Variants in LUZP2 observed in about 807,000 individuals in gnomAD.
LUZP2 encodes the protein leucine zipper protein 2.
Under a neutral mutation model 51.6 loss-of-function variants are expected in LUZP2, and 52 were observed. That is an observed-to-expected ratio of 1.01 (90% confidence interval 0.81 to 1.27). The LOEUF (loss-of-function observed/expected upper bound fraction) is 1.27. LUZP2 is among the 50% of genes most tolerant of loss of function. The pLI is 0.00. For synonymous variants in LUZP2, 154 were observed against 137.3 expected (o/e 1.12, Z -0.85); for missense variants, 436 against 395.4 (o/e 1.10, Z -0.87).
chr11:25,006,394 A>G (rs182732974), intron 9 of LUZP2, among the ~76,000 whole-genome samples: 1 of 152,248 alleles, frequency 6.6e-6, no homozygotes, highest in Non-Finnish European at 1.5e-5. Flanking sequence ...GGATCAACCA[A>G]CTTTCTGTCA....
intron 9 of LUZP2, among the ~76,000 whole-genome samples, chr11:25,037,595 G>A (rs1484870635): frequency 6.6e-6 from 1 of 152,052 alleles, no homozygotes; most frequent in East Asian, 1.9e-4. Flanking sequence ...GGTGGCAGGT[G>A]CAGTTTTTTT....
chr11:24,894,455 A>G (rs557711451), intron 5 of LUZP2, among the ~76,000 whole-genome samples: 1 of 152,258 alleles, frequency 6.6e-6, no homozygotes, highest in Non-Finnish European at 1.5e-5. Context: ...GATTACAGGC[A>G]TGAGCCACCG....
chr11:24,878,467 G>T (rs1003261656), intron 5 of LUZP2, among the ~76,000 whole-genome samples: 2 of 151,814 alleles, frequency 1.3e-5, no homozygotes, highest in Non-Finnish European at 2.9e-5. Context: ...GCTGCTTTTA[G>T]GATCCTTTTG....
chr11:24,704,281 C>T, intron 1 of LUZP2, among the ~76,000 whole-genome samples: 1 of 152,222 alleles, frequency 6.6e-6, no homozygotes, highest in South Asian at 2.1e-4. Flanking sequence ...CTATATTTTG[C>T]TAAAAATTAG....
At chr11:24,833,778 C>G (rs892736900) in intron 5 of LUZP2, among the ~76,000 whole-genome samples, 1 of 148,642 alleles carries the variant, frequency 6.7e-6, no homozygotes, top group Non-Finnish European at 1.5e-5. Context: ...AGCTCATTGC[C>G]TCCTCCTCAT....
intron 1 of LUZP2, among the ~76,000 whole-genome samples, chr11:24,672,287 T>C (rs1470006901): frequency 6.6e-6 from 1 of 152,164 alleles, no homozygotes; most frequent in Non-Finnish European, 1.5e-5. Flanking sequence ...TCTCCCTGAG[T>C]ACAATATGGT....
At chr11:24,596,494 G>A (rs1387784885) in intron 1 of LUZP2, among the ~76,000 whole-genome samples, 6 of 152,146 alleles carry the variant, frequency 3.9e-5, no homozygotes, top group Non-Finnish European at 8.8e-5. Context: ...TGTAATCAAT[G>A]ATAATAGAAT....
Position 24,661,645 on chromosome 11 carries a change from A to G in LUZP2, c.63-67524A>G, listed in dbSNP as rs188428206. Among the ~76,000 whole-genome samples the G allele has an allele frequency of 6.6e-4, 101 of 152,252 alleles. 2 individuals carry two copies. The South Asian group carries it at 0.016, about 24-fold the overall frequency. ...CAGTTTTTCTTTGTATTGAAATCCA[A>G]TGTATTCTAGATATTCTGTTTCTTG... is the stretch of plus-strand genomic sequence containing the variant. On this transcript the variant is annotated intron_variant, in intron 1 of 11. Transcript: ENST00000336930.
intron 5 of LUZP2, among the ~76,000 whole-genome samples, chr11:24,862,579 A>T (rs1851772082): frequency 6.6e-6 from 1 of 152,218 alleles, no homozygotes; most frequent in Non-Finnish European, 1.5e-5. Flanking sequence ...CAGTTAAAAG[A>T]CACAGACTGG....
intron 1 of LUZP2, among the ~76,000 whole-genome samples, chr11:24,598,111 A>G (rs111538640): frequency 1.2e-3 from 187 of 152,096 alleles, no homozygotes; most frequent in African/African-American, 4.1e-3. Flanking sequence ...AAAAAAAAAA[A>G]AAAAAGAGAG....
intron 1 of LUZP2, among the ~76,000 whole-genome samples, chr11:24,632,554 C>T (rs761135237): frequency 2.4e-4 from 36 of 151,932 alleles, no homozygotes; most frequent in Non-Finnish European, 4.9e-4. Context: ...TCCCACGTGG[C>T]AACCACAGAA....
intron 1 of LUZP2, among the ~76,000 whole-genome samples, chr11:24,672,889 G>A (rs1305253250): frequency 6.6e-6 from 1 of 152,166 alleles, no homozygotes; most frequent in Non-Finnish European, 1.5e-5. Flanking sequence ...CAAAGCAGGA[G>A]GTGAGCAGTG....
intron 7 of LUZP2, among the ~76,000 whole-genome samples, chr11:24,963,180 G>A (rs940238657): frequency 6.6e-6 from 1 of 152,162 alleles, no homozygotes; most frequent in East Asian, 1.9e-4. Flanking sequence ...CTACTGGGGG[G>A]TACCTCCCAG....
chr11:24,636,512 C>A (rs986382502), intron 1 of LUZP2, among the ~76,000 whole-genome samples: 2 of 152,088 alleles, frequency 1.3e-5, no homozygotes, highest in African/African-American at 2.4e-5. Context: ...AATATTAGCT[C>A]ATATCATTGT....
chr11:25,067,805 A>C (rs1470456218), intron 10 of LUZP2, among the ~76,000 whole-genome samples: 4 of 151,990 alleles, frequency 2.6e-5, no homozygotes, highest in Non-Finnish European at 5.9e-5. Context: ...TTGACCCAGC[A>C]GTCCCATTAC....
At chr11:24,898,980 T>G (rs1247911115) in intron 5 of LUZP2, among the ~76,000 whole-genome samples, 1 of 152,184 alleles carries the variant, frequency 6.6e-6, no homozygotes, top group African/African-American at 2.4e-5. Context: ...TTTAAGAGAT[T>G]GGTAGTTTTA....
chr11:24,600,072 G>C (rs1853570144), intron 1 of LUZP2, among the ~76,000 whole-genome samples: 1 of 152,092 alleles, frequency 6.6e-6, no homozygotes, highest in South Asian at 2.1e-4. Context: ...CTTGAAAATA[G>C]GGTCTTCATG....
chr11:24,920,549 A>T (rs1040455299), intron 7 of LUZP2, among the ~76,000 whole-genome samples: 3 of 152,148 alleles, frequency 2.0e-5, no homozygotes. Context: ...TGTAATATTC[A>T]TCAACAGATG....
At chr11:24,976,880 G>A (rs1855895891) in intron 8 of LUZP2, among the ~76,000 whole-genome samples, 1 of 151,658 alleles carries the variant, frequency 6.6e-6, no homozygotes, top group Non-Finnish European at 1.5e-5. Flanking sequence ...CTGACTGAAG[G>A]TTCAGTCTTT....
Sources: allele counts gnomAD v4.1 joint callset (sites outside exome capture counted in the v4.1 genomes callset), GRCh38; gene constraint gnomAD v4.1.1; transcripts MANE v1.5; gene names NCBI Gene and HGNC (gene_info 2026-07-23, HGNC 2026-07-21).